The following GPR19 variants were observed in gnomAD, a reference collection of about 807,000 sequenced individuals.
GPR19 encodes the protein probable G protein-coupled receptor 19.
A neutral mutation model predicts 28.5 loss-of-function variants in GPR19; 14 were observed. The ratio of observed to expected loss-of-function variants is 0.49; its 90% CI spans 0.32 to 0.77. GPR19 has a LOEUF of 0.77. Ranked by LOEUF, GPR19 falls within the 30% of genes least tolerant of loss-of-function variation. The pLI is 0.03. For synonymous variants in GPR19, 173 were observed against 184.1 expected (o/e 0.94, Z 0.49); for missense variants, 409 against 504.1 (o/e 0.81, Z 1.81).
chr12:12,677,945 G>T (rs991214523), intron 3 of GPR19, among the ~76,000 whole-genome samples: 5 of 151,606 alleles, frequency 3.3e-5, no homozygotes, highest in African/African-American at 1.2e-4. Context: ...GTGGTGGTGG[G>T]CGCCTGTAAT....
intron 3 of GPR19, among the ~76,000 whole-genome samples, chr12:12,673,432 C>G (rs1182121328): frequency 6.6e-6 from 1 of 152,198 alleles, no homozygotes; most frequent in African/African-American, 2.4e-5. Flanking sequence ...TGCCCTGACA[C>G]TGTGGTGCTG....
chr12:12,715,610 G>A, the GPR19 span, among the ~76,000 whole-genome samples: 2 of 152,230 alleles, frequency 1.3e-5, no homozygotes, highest in African/African-American at 4.8e-5. Context: ...TCAGTCACTT[G>A]TAAGACAGCA....
intron 2 of GPR19, among the ~76,000 whole-genome samples, chr12:12,690,637 C>T (rs1566163882): frequency 6.6e-6 from 1 of 152,138 alleles, no homozygotes. Flanking sequence ...ATTACTGGCC[C>T]CAAAATGGCT....
chr12:12,675,281 T>C (rs1001982282), intron 3 of GPR19, among the ~76,000 whole-genome samples: 4 of 152,064 alleles, frequency 2.6e-5, no homozygotes, highest in Non-Finnish European at 4.4e-5. Context: ...AGTATCCCCA[T>C]AGATTTTGTT....
the GPR19 span, among the ~76,000 whole-genome samples, chr12:12,710,097 A>T: frequency 6.6e-6 from 1 of 152,280 alleles, no homozygotes; most frequent in South Asian, 2.1e-4. Context: ...CACACCTGTA[A>T]TCCCAGCAAC....
chr12:12,669,104 A>G (rs1266957706), intron 3 of GPR19: 1 of 152,244 alleles, frequency 6.6e-6, no homozygotes, highest in Admixed American at 6.5e-5. Flanking sequence ...GTTATTCCCT[A>G]TAGCCTCTTG....
intron 3 of GPR19, among the ~76,000 whole-genome samples, chr12:12,668,218 A>T (rs1945809263): frequency 6.6e-6 from 1 of 152,210 alleles, no homozygotes; most frequent in Admixed American, 6.5e-5. Context: ...AATTCTTTTT[A>T]AAAAATGCCT....
intron 3 of GPR19, among the ~76,000 whole-genome samples, chr12:12,681,044 C>T (rs1451469616): frequency 3.9e-5 from 6 of 152,086 alleles, no homozygotes; most frequent in Non-Finnish European, 5.9e-5. Context: ...GCAATCCTCC[C>T]GCCTTAGCCT....
chr12:12,702,624 A>C, the GPR19 span, among the ~76,000 whole-genome samples: 1 of 151,922 alleles, frequency 6.6e-6, no homozygotes, highest in Non-Finnish European at 1.5e-5. Flanking sequence ...TTTTTTCTCT[A>C]TTTTAAACCA....
At chr12:12,704,273 G>A in the GPR19 span, among the ~76,000 whole-genome samples, 1 of 152,192 alleles carries the variant, frequency 6.6e-6, no homozygotes, top group African/African-American at 2.4e-5. Flanking sequence ...AGGCTGAGAT[G>A]GGCGGATCAC....
At chr12:12,688,144 G>A (rs1220052998) in intron 2 of GPR19, among the ~76,000 whole-genome samples, 2 of 152,178 alleles carry the variant, frequency 1.3e-5, no homozygotes, top group Admixed American at 6.5e-5. Context: ...AAAGTGCAAA[G>A]GGATGTGTGT....
At chr12:12,712,730 G>A in the GPR19 span, among the ~76,000 whole-genome samples, 1 of 152,090 alleles carries the variant, frequency 6.6e-6, no homozygotes, top group Non-Finnish European at 1.5e-5. Context: ...GAGTGCAATG[G>A]CATGATCATA....
chr12:12,704,060 G>A, the GPR19 span, among the ~76,000 whole-genome samples: 658 of 152,324 alleles, frequency 4.3e-3, 5 homozygotes, highest in African/African-American at 0.015. Flanking sequence ...AAAGAGCTAT[G>A]TGTAGTGGAA....
At chr12:12,685,556 C>T (rs1946084297) in intron 2 of GPR19, among the ~76,000 whole-genome samples, 1 of 152,080 alleles carries the variant, frequency 6.6e-6, no homozygotes, top group Non-Finnish European at 1.5e-5. Context: ...AACCGGTCGC[C>T]ATGGGAGCCT....
intron 3 of GPR19, among the ~76,000 whole-genome samples, chr12:12,671,142 T>TAA (rs535517127): frequency 1.5e-5 from 2 of 137,844 alleles, no homozygotes; most frequent in African/African-American, 5.3e-5. Flanking sequence ...CTACTAAAAA[T>TAA]AAAAAAAAAA....
chr12:12,674,414 G>A (rs1006027170), intron 3 of GPR19, among the ~76,000 whole-genome samples: 6 of 152,064 alleles, frequency 3.9e-5, no homozygotes, highest in Non-Finnish European at 7.4e-5. Context: ...CACCACTGCT[G>A]ATGATGGTGG....
intron 3 of GPR19, among the ~76,000 whole-genome samples, chr12:12,681,287 G>T (rs1440932120): frequency 6.6e-6 from 1 of 152,150 alleles, no homozygotes; most frequent in Non-Finnish European, 1.5e-5. Flanking sequence ...GGGTTTACTT[G>T]CAGGCAAGCT....
intron 3 of GPR19, among the ~76,000 whole-genome samples, chr12:12,682,208 T>C (rs572334092): frequency 6.6e-6 from 1 of 152,332 alleles, no homozygotes; most frequent in South Asian, 2.1e-4. Context: ...GAGAACTTCA[T>C]TCTAAATATA....
chr12:12,686,771 T>C (rs1446863247), intron 2 of GPR19, among the ~76,000 whole-genome samples: 1 of 152,236 alleles, frequency 6.6e-6, no homozygotes, highest in African/African-American at 2.4e-5. Flanking sequence ...TAATGTGTTG[T>C]GACTTACTAC....
Sources: allele counts gnomAD v4.1 joint callset (sites outside exome capture counted in the v4.1 genomes callset), GRCh38; gene constraint gnomAD v4.1.1; transcripts MANE v1.5; gene names NCBI Gene and HGNC (gene_info 2026-07-23, HGNC 2026-07-21).